The following CNDP2 variants were observed in gnomAD, a reference collection of about 807,000 sequenced individuals.
CNDP2 encodes the protein carnosine dipeptidase 2, also known as cytosolic non-specific dipeptidase.
CNDP2 carries 38 observed loss-of-function variants against 55.0 expected under a neutral mutation model. That is an observed-to-expected ratio of 0.69 (90% CI 0.53 to 0.90). The LOEUF (loss-of-function observed/expected upper bound fraction) is 0.90, where lower values mean the gene tolerates loss of function less well. CNDP2 is among the 40% of genes least tolerant of loss of function. The pLI is 0.00. For synonymous variants in CNDP2, 241 were observed against 260.2 expected (o/e 0.93, Z 0.71); for missense variants, 607 against 621.7 (o/e 0.98, Z 0.25).
At position 74,501,402 on chromosome 18, in the gene CNDP2, TG is replaced by T. The variant is rs1978689554; in HGVS notation, c.136del (p.Glu46LysfsTer96). On this transcript the variant is annotated frameshift_variant, in exon 3 of 12. Coordinates refer to ENST00000324262, the MANE Select transcript of CNDP2 (RefSeq NM_018235.3). LOFTEE classifies it high-confidence loss of function. ...AAGAGAGGCGAAATCAGGAGGATGATGGAAGTTGCTGCTGCAGATGTTAAGC... is the reference window on the plus strand; with the variant it reads ...AAGAGAGGCGAAATCAGGAGGATGATGAAGTTGCTGCTGCAGATGTTAAGC... Reference protein sequence around the residue: ...PEKRGEIRRMMEVAAADVKQL... With the variant: ...PEKRGEIRRMXEVAAADVKQL... 6.2e-7 allele frequency: 1 copy of T among 1,614,010 alleles called. No homozygotes were observed. Among genetic ancestry groups the T allele is most frequent in the African/African-American group, 1.3e-5 (1 of 74,898 alleles).
intron 3 of CNDP2, among the ~76,000 whole-genome samples, chr18:74,501,793 G>T (rs1202149918): frequency 6.6e-6 from 1 of 152,120 alleles, no homozygotes; most frequent in Middle Eastern, 3.2e-3. Flanking sequence ...TTCAAACTAG[G>T]AAGTTACACT....
intron 5 of CNDP2, 146 bp downstream of exon 5, chr18:74,509,074 CG>C: frequency 1.3e-5 from 8 of 613,456 alleles, no homozygotes; most frequent in Non-Finnish European, 1.7e-5. Context: ...ACAGATGACT[CG>C]GATGTAAGAG....
intron 3 of CNDP2, among the ~76,000 whole-genome samples, chr18:74,503,073 G>GTTTT (rs72527615): frequency 0.21 from 30,335 of 141,872 alleles, 3,360 homozygotes; most frequent in Admixed American, 0.29. Context: ...GCTCCCTTTC[G>GTTTT]TTTTTTTTTT....
At chr18:74,519,858 A>G in intron 11 of CNDP2, 141 bp from the exon 12 acceptor site, 1 of 669,318 alleles carries the variant, frequency 1.5e-6, no homozygotes. Flanking sequence ...GAAGGCAAGC[A>G]GGGCTCAGGG....
Position 74,519,089 on chromosome 18 carries a change from C to T in CNDP2, c.1351C>T (p.Leu451Phe). ...DDGAHSQNEK[L>F]NRYNYIEGTK... ...CGGAGCCCACTCCCAGAATGAAAAGCTCAACAGGTGAGAGTCCAGGGTGCG... is the reference window on the plus strand; with the variant it reads ...CGGAGCCCACTCCCAGAATGAAAAGTTCAACAGGTGAGAGTCCAGGGTGCG... Residue 451 changes from leucine (L) to phenylalanine (F), a missense_variant, in exon 11 of 12, where the codon CTC becomes TTC. Transcript: ENST00000324262. The T allele has an allele frequency of 1.2e-6, 2 of 1,608,514 alleles. No homozygotes were observed. The highest frequency in any genetic ancestry group is 1.7e-6 in the Non-Finnish European group (2 of 1,175,700).
At chr18:74,516,785 G>A (rs1979696299) in intron 9 of CNDP2, 1 of 176,432 alleles carries the variant, frequency 5.7e-6, no homozygotes, top group Non-Finnish European at 1.2e-5. Context: ...GATTCCTGGG[G>A]AGATGGAGTC....
intron 8 of CNDP2, 193 bp downstream of exon 8, chr18:74,513,912 A>G: frequency 1.8e-6 from 1 of 561,838 alleles, no homozygotes; most frequent in Non-Finnish European, 3.1e-6. Context: ...TTCAAAATCT[A>G]CTTTTGATTC....
At position 74,520,379 on chromosome 18, in the gene CNDP2, G is replaced by C. The variant is rs1026311205; in HGVS notation, c.*311G>C. On this transcript the variant is annotated 3_prime_UTR_variant, in exon 12 of 12. Coordinates refer to ENST00000324262, the MANE Select transcript of CNDP2 (RefSeq NM_018235.3). ...TGCGGAAAGTTCTGGTTGTCGGCCGGGCACCACGGCTCACACCTATAATCG... is the reference window on the plus strand; with the variant it reads ...TGCGGAAAGTTCTGGTTGTCGGCCGCGCACCACGGCTCACACCTATAATCG... 2 of 327,682 alleles carry C rather than the reference G, an allele frequency of 6.1e-6. No homozygotes were observed. The highest frequency in any genetic ancestry group is 1.2e-5 in the Non-Finnish European group (2 of 172,472). 20.3% of individuals were successfully genotyped at this position (327,682 alleles called of 1,614,324 possible). A position where few individuals can be genotyped will look rare whatever the true frequency, so the allele number is the denominator to read the frequency against.
At chr18:74,509,074 C>G (rs1030348237) in intron 5 of CNDP2, 146 bp downstream of exon 5, 4 of 613,338 alleles carry the variant, frequency 6.5e-6, no homozygotes, top group South Asian at 2.2e-5. Context: ...ACAGATGACT[C>G]GGATGTAAGA....
intron 3 of CNDP2, chr18:74,504,667 C>T (rs986598992): frequency 2.6e-5 from 4 of 152,226 alleles, no homozygotes; most frequent in African/African-American, 9.7e-5. Flanking sequence ...CTGTTAATAC[C>T]TATTTTCATG....
intron 2 of CNDP2, among the ~76,000 whole-genome samples, 154 bp downstream of exon 2, chr18:74,500,187 G>GGTTA (rs1470705922): frequency 6.6e-6 from 1 of 152,190 alleles, no homozygotes; most frequent in African/African-American, 2.4e-5. Flanking sequence ...TTATGGCATA[G>GGTTA]GTTACACTTT....
In CNDP2 at chr18:74,516,136, C is replaced by T; in HGVS notation, c.904-92C>T. The T allele has an allele frequency of 2.9e-6, 4 of 1,395,602 alleles. No individual in the cohort carries two copies. The South Asian group carries it at 4.1e-5, about 14-fold the overall frequency. The allele number at this position is 1,395,602 out of a possible 1,614,324, so 86.5% of individuals were successfully genotyped here. A position where few individuals can be genotyped will look rare whatever the true frequency, so the allele number is the denominator to read the frequency against. ...GGGCCAGGCCCTGTTTCATACCGCT[C>T]ATTTCCCAGACAACATTCCCAGCTC... On this transcript the variant is annotated intron_variant, in intron 8 of 11. Coordinates refer to ENST00000324262, the MANE Select transcript of CNDP2 (RefSeq NM_018235.3).
At chr18:74,504,225 G>C (rs1208739088) in intron 3 of CNDP2, among the ~76,000 whole-genome samples, 1 of 131,942 alleles carries the variant, frequency 7.6e-6, no homozygotes, top group Non-Finnish European at 1.6e-5. Context: ...CAGGCCACAC[G>C]CCACACACGC....
At chr18:74,501,857 C>G (rs1405491307) in intron 3 of CNDP2, among the ~76,000 whole-genome samples, 1 of 152,194 alleles carries the variant, frequency 6.6e-6, no homozygotes, top group African/African-American at 2.4e-5. Context: ...CCGGCTCCCC[C>G]TCACACACAG....
rs540790918 is a variant in CNDP2 at position 74,513,621 on chromosome 18, G to A, written c.805G>A (p.Val269Ile). 4.6e-5 allele frequency: 74 copies of A among 1,614,046 alleles called. No homozygotes were observed. Among genetic ancestry groups the A allele is most frequent in the African/African-American group, 2.4e-4 (18 of 75,070 alleles). Residue 269 changes from valine to isoleucine, a missense_variant, in exon 8 of 12, where the codon GTC (valine) becomes ATC (isoleucine). Physicochemically the swap from Val to Ile is conservative, Grantham distance 29 (BLOSUM62 3). Transcript: ENST00000324262. The stretch of plus-strand genomic sequence containing the variant: ...CGGCATTAACGAGGCCGTGGCCGCC[G>A]TCACGGAAGAGGAGCACAAGCTGTA... ...IPGINEAVAA[V>I]TEEEHKLYDD...
intron 6 of CNDP2, 129 bp from the exon 7 acceptor site, chr18:74,512,319 C>T (rs1049670459): frequency 7.7e-6 from 6 of 774,968 alleles, no homozygotes; most frequent in Non-Finnish European, 1.2e-5. Context: ...TGCTTTGCTC[C>T]CTGAGGGAGC....
At chr18:74,518,709 C>T (rs1032369058) in intron 10 of CNDP2, 69 bp downstream of exon 10, 46 of 1,592,202 alleles carry the variant, frequency 2.9e-5, no homozygotes, top group African/African-American at 2.0e-4. Context: ...TCTGCTATAT[C>T]GCGTGGGCGT....
intron 8 of CNDP2, among the ~76,000 whole-genome samples, chr18:74,515,417 A>G (rs559148799): frequency 6.6e-6 from 1 of 152,074 alleles, no homozygotes; most frequent in African/African-American, 2.4e-5. Context: ...GGCCTGGGAG[A>G]AGGTGGGTCT....
intron 2 of CNDP2, 54 bp downstream of exon 2, chr18:74,500,087 C>A: frequency 2.0e-6 from 3 of 1,485,456 alleles, no homozygotes; most frequent in Non-Finnish European, 2.8e-6. Flanking sequence ...TCCCATGGGG[C>A]CCAGAGAAGT....
Sources: allele counts gnomAD v4.1 joint callset (sites outside exome capture counted in the v4.1 genomes callset), GRCh38; gene constraint gnomAD v4.1.1; transcripts MANE v1.5; gene names NCBI Gene and HGNC (gene_info 2026-07-23, HGNC 2026-07-21).